Variants in ALLC observed in about 807,000 individuals in gnomAD.
ALLC encodes allantoicase.
A neutral mutation model predicts 45.0 loss-of-function variants in ALLC; 40 were observed. The ratio of observed to expected loss-of-function variants is 0.89; its 90% CI spans 0.69 to 1.16. The LOEUF (loss-of-function observed/expected upper bound fraction) is 1.16. Among genes scored for constraint, ALLC ranks in the 50% most tolerant of loss-of-function variants. The pLI is 0.00. For missense variants in ALLC, 488 were observed against 493.1 expected (o/e 0.99, Z 0.10); for synonymous variants, 176 against 178.1 (o/e 0.99, Z 0.09).
chr2:3,702,481 G>C lies in ALLC; in HGVS notation c.1094G>C (p.Gly365Ala). 6.2e-7 allele frequency: 1 copy of C among 1,612,158 alleles called. No individual in the cohort carries two copies. Among genetic ancestry groups the C allele is most frequent in the South Asian group, 1.1e-5 (1 of 90,922 alleles). The change falls in exon 12 of 12, where the codon GGC becomes GCC. Residue 365 changes from glycine to alanine, a missense_variant. Coordinates refer to ENST00000252505, the MANE Select transcript of ALLC (RefSeq NM_018436.4). ...GGAGTGAGCCGCCTTCGGCTCCGGGGCTTCCCCAGCTCCATCTGCCTCCTG... is the reference window on the plus strand; with the variant it reads ...GGAGTGAGCCGCCTTCGGCTCCGGGCCTTCCCCAGCTCCATCTGCCTCCTG... ...DGGVSRLRLRGFPSSICLLRP... is the reference protein window; with the variant it reads ...DGGVSRLRLRAFPSSICLLRP...
At chr2:3,668,069 A>C (rs1395162336) in intron 1 of ALLC, among the ~76,000 whole-genome samples, 2 of 152,144 alleles carry the variant, frequency 1.3e-5, no homozygotes, top group Non-Finnish European at 2.9e-5. Flanking sequence ...CAGGACGATA[A>C]TAAATATTAC....
chr2:3,650,722 C>T, the ALLC span, among the ~76,000 whole-genome samples: 5 of 152,212 alleles, frequency 3.3e-5, no homozygotes, highest in Non-Finnish European at 7.3e-5. Flanking sequence ...TGCCTCCACA[C>T]TACCCCTCCC....
intron 1 of ALLC, among the ~76,000 whole-genome samples, chr2:3,666,964 G>C (rs967226717): frequency 6.6e-6 from 1 of 152,198 alleles, no homozygotes; most frequent in Non-Finnish European, 1.5e-5. Flanking sequence ...TGGATTTTGA[G>C]TTTTATATAA....
At chr2:3,694,742 A>G (rs1476815533) in intron 7 of ALLC, 1 of 152,184 alleles carries the variant, frequency 6.6e-6, no homozygotes, top group Non-Finnish European at 1.5e-5. Context: ...CCATTGTTTT[A>G]CCAAAAAATT....
intron 10 of ALLC, among the ~76,000 whole-genome samples, chr2:3,698,149 G>A (rs184107543): frequency 2.2e-4 from 33 of 151,864 alleles, no homozygotes; most frequent in Non-Finnish European, 2.6e-4. Flanking sequence ...ATTGTTAGTA[G>A]AGACGGGGTT....
At chr2:3,672,470 T>G (rs1171405386) in intron 2 of ALLC, among the ~76,000 whole-genome samples, 1 of 140,676 alleles carries the variant, frequency 7.1e-6, no homozygotes, top group Non-Finnish European at 1.6e-5. Context: ...TCGGAGGTCC[T>G]CTGGCTCTAG....
chr2:3,691,747 T>A (rs1288913803), intron 7 of ALLC, among the ~76,000 whole-genome samples: 1 of 152,232 alleles, frequency 6.6e-6, no homozygotes, highest in African/African-American at 2.4e-5. Context: ...ACACCAATAA[T>A]TCTTAGATTT....
chr2:3,650,023 A>T, the ALLC span, among the ~76,000 whole-genome samples: 24 of 152,252 alleles, frequency 1.6e-4, no homozygotes, highest in Non-Finnish European at 3.4e-4. Context: ...GAGGAACTGG[A>T]CGTGATGCAT....
Position 3,697,324 on chromosome 2 carries a change from ATTTTC to A in ALLC, c.742-21_742-17del. On this transcript the variant is annotated intron_variant, in intron 9 of 11. Transcript: ENST00000252505. The stretch of plus-strand genomic sequence containing the variant: ...TTGAATGACTCCAAGTTCGTTTACC[ATTTTC>A]TTCTCTTCTGAATTCCAGAATGATG... 1 of 1,600,266 alleles carries A rather than the reference ATTTTC, an allele frequency of 6.2e-7. No individual in the cohort carries two copies. Among genetic ancestry groups the A allele is most frequent in the Non-Finnish European group, 8.6e-7 (1 of 1,168,226 alleles).
intron 10 of ALLC, among the ~76,000 whole-genome samples, chr2:3,700,581 A>G (rs1469514853): frequency 6.6e-6 from 1 of 152,220 alleles, no homozygotes; most frequent in Non-Finnish European, 1.5e-5. Flanking sequence ...GGTACATACA[A>G]TATGATGACT....
At chr2:3,660,159 C>T (rs966079630) in intron 1 of ALLC, among the ~76,000 whole-genome samples, 3 of 152,116 alleles carry the variant, frequency 2.0e-5, no homozygotes, top group South Asian at 2.1e-4. Context: ...GGTGGTGAGA[C>T]GGTTCTTCCT....
chr2:3,656,531 G>A (rs1182124475), upstream of ALLC, among the ~76,000 whole-genome samples: 3 of 152,250 alleles, frequency 2.0e-5, no homozygotes, highest in African/African-American at 7.2e-5. Context: ...ACTAAATTAA[G>A]TTGATTTTAG....
Position 3,683,078 on chromosome 2 carries a change from A to G in ALLC, c.511+4A>G, listed in dbSNP as rs1667241144. 1 of 1,612,936 alleles carries G rather than the reference A, an allele frequency of 6.2e-7. No homozygotes were observed. ...ATCAGACTCAACATTTTCCCAGGTA[A>G]TCGTGACATGGACTTATCACCAGTT... On this transcript the variant is annotated splice_donor_region_variant and intron_variant, in intron 7 of 11. Transcript: ENST00000252505.
At chr2:3,649,078 C>T in the ALLC span, among the ~76,000 whole-genome samples, 5 of 152,198 alleles carry the variant, frequency 3.3e-5, no homozygotes, top group South Asian at 6.2e-4. Flanking sequence ...TTCATAGAAA[C>T]GGCAACACAC....
At chr2:3,664,798 C>G (rs1234521249) in intron 1 of ALLC, among the ~76,000 whole-genome samples, 2 of 151,734 alleles carry the variant, frequency 1.3e-5, no homozygotes, top group African/African-American at 2.4e-5. Context: ...GTGGGAAGAT[C>G]ACTTGAGCCC....
intron 1 of ALLC, among the ~76,000 whole-genome samples, chr2:3,658,838 C>T (rs1426355144): frequency 7.0e-6 from 1 of 143,348 alleles, no homozygotes; most frequent in Non-Finnish European, 1.5e-5. Flanking sequence ...GATCATGCCA[C>T]TGTACTCCAG....
At chr2:3,646,740 C>T in the ALLC span, among the ~76,000 whole-genome samples, 1 of 152,222 alleles carries the variant, frequency 6.6e-6, no homozygotes, top group African/African-American at 2.4e-5. Flanking sequence ...CAAGCTACTG[C>T]AGCCATTAAC....
chr2:3,662,539 G>A (rs1025439050), intron 1 of ALLC, among the ~76,000 whole-genome samples: 4 of 152,192 alleles, frequency 2.6e-5, no homozygotes, highest in African/African-American at 7.2e-5. Flanking sequence ...ATTTCAAGGC[G>A]CCACCTGCAG....
the ALLC span, among the ~76,000 whole-genome samples, chr2:3,651,314 G>GT: frequency 1.8e-3 from 9 of 4,924 alleles, 2 homozygotes; most frequent in African/African-American, 3.6e-3. Context: ...GTGGGTGGGT[G>GT]GGGGGGGTGT....
Sources: gnomAD v4.1 joint callset for allele counts (sites outside exome capture counted in the v4.1 genomes callset) on GRCh38, gnomAD v4.1.1 for gene constraint, MANE v1.5 for transcripts, NCBI Gene and HGNC (gene_info 2026-07-23, HGNC 2026-07-21) for gene names.